DLG1: variants seen among roughly 807,000 people sequenced by gnomAD.
DLG1 encodes the protein discs large MAGUK scaffold protein 1, also known as disks large homolog 1.
In DLG1, 42 loss-of-function variants were observed where a neutral mutation model predicts 123.4. That is an observed-to-expected ratio of 0.34 (90% confidence interval 0.27 to 0.44). The LOEUF (loss-of-function observed/expected upper bound fraction) is 0.44. Among genes scored for constraint, DLG1 ranks in the 20% least tolerant of loss-of-function variants. The probability of loss-of-function intolerance (pLI) is 1.00; values close to 1 mark genes in which losing one functional copy is unlikely to be tolerated. For synonymous variants in DLG1, 317 were observed against 356.2 expected (o/e 0.89, Z 1.24); for missense variants, 942 against 1,082.6 (o/e 0.87, Z 1.82).
intron 16 of DLG1, among the ~76,000 whole-genome samples, chr3:197,082,763 T>G (rs1012782966): frequency 6.6e-6 from 1 of 152,226 alleles, no homozygotes; most frequent in South Asian, 2.1e-4. Flanking sequence ...TAAGATTATA[T>G]TCTGCAATGC....
intron 13 of DLG1, among the ~76,000 whole-genome samples, chr3:197,105,218 T>A (rs1379876226): frequency 6.6e-6 from 1 of 152,228 alleles, no homozygotes; most frequent in Non-Finnish European, 1.5e-5. Context: ...CCACCTTGCT[T>A]AATGTCAAGT....
At chr3:197,232,361 T>TAAAA (rs34360912) in intron 4 of DLG1, among the ~76,000 whole-genome samples, 62 of 121,248 alleles carry the variant, frequency 5.1e-4, no homozygotes, top group Non-Finnish European at 8.9e-4. Flanking sequence ...CCTTGTCTCT[T>TAAAA]AAAAAAAAAA....
rs780261783 is a variant in DLG1 at position 197,149,785 on chromosome 3, G to C, written c.495C>G (p.Pro165=). The C allele has an allele frequency of 6.3e-7, 1 of 1,592,774 alleles. No individual in the cohort carries two copies. Among genetic ancestry groups the C allele is most frequent in the African/African-American group, 1.3e-5 (1 of 74,366 alleles). The change falls in exon 6 of 25, where the codon CCC becomes CCG. Residue 165 remains proline, a synonymous_variant. Coordinates refer to ENST00000667157, the MANE Select transcript of DLG1 (RefSeq NM_001366207.1). ...AGCTATCTGTGTTGACCAGTACTGGGGGAGGATTTGCCTTTAAGAAGAAAT... is the reference window on the plus strand; with the variant it reads ...AGCTATCTGTGTTGACCAGTACTGGCGGAGGATTTGCCTTTAAGAAGAAAT... ...SHISPIKANP[P]PVLVNTDSLE...
chr3:197,045,188 T>C (rs1161113885), intron 24 of DLG1, among the ~76,000 whole-genome samples: 1 of 119,162 alleles, frequency 8.4e-6, no homozygotes, highest in African/African-American at 3.3e-5. Flanking sequence ...TAAGCTAGCA[T>C]GTCAGGTACT....
chr3:197,244,496 C>G (rs904509922), intron 4 of DLG1, among the ~76,000 whole-genome samples: 10 of 152,082 alleles, frequency 6.6e-5, no homozygotes, highest in Non-Finnish European at 1.0e-4. Flanking sequence ...GATCTTTTAC[C>G]TCTACGACGG....
chr3:197,268,901 A>AAC (rs199945426), intron 4 of DLG1, among the ~76,000 whole-genome samples: 1 of 145,572 alleles, frequency 6.9e-6, no homozygotes, highest in Admixed American at 6.8e-5. Flanking sequence ...GTTAAAAACA[A>AAC]ACACACACAC....
At chr3:197,292,835 C>T (rs1775586287) in intron 3 of DLG1, among the ~76,000 whole-genome samples, 1 of 152,184 alleles carries the variant, frequency 6.6e-6, no homozygotes, top group South Asian at 2.1e-4. Flanking sequence ...ACTCAACTTA[C>T]TCAAGTCTCT....
chr3:197,082,143 G>A (rs556264410), intron 16 of DLG1, among the ~76,000 whole-genome samples: 3 of 151,984 alleles, frequency 2.0e-5, no homozygotes, highest in Non-Finnish European at 2.9e-5. Context: ...AGGCCGAGGC[G>A]GGTGGATCAC....
At chr3:197,182,744 AACTG>A (rs1432103719) in intron 5 of DLG1, among the ~76,000 whole-genome samples, 3 of 152,180 alleles carry the variant, frequency 2.0e-5, no homozygotes, top group Admixed American at 2.0e-4. Flanking sequence ...ACTAAAGTTG[AACTG>A]ACTGCTTAAA....
intron 5 of DLG1, among the ~76,000 whole-genome samples, chr3:197,185,120 C>T (rs534425636): frequency 1.3e-5 from 2 of 152,284 alleles, no homozygotes; most frequent in Admixed American, 6.5e-5. Flanking sequence ...AACAAAAACG[C>T]TACTTGATAA....
chr3:197,294,576 T>C (rs1045063188), intron 3 of DLG1, among the ~76,000 whole-genome samples: 2 of 148,774 alleles, frequency 1.3e-5, no homozygotes, highest in Non-Finnish European at 3.0e-5. Context: ...GAGAATGGCG[T>C]GAACCTGGCA....
Position 197,051,481 on chromosome 3 carries a change from T to C in DLG1, c.2575+96A>G, listed in dbSNP as rs1429358990. 6 of 908,088 alleles carry C rather than the reference T, an allele frequency of 6.6e-6. No homozygotes were observed. The East Asian group carries it at 7.4e-5, about 11-fold the overall frequency. The allele number at this position is 908,088 out of a possible 1,614,324, so 56.3% of individuals were successfully genotyped here. A position where few individuals can be genotyped will look rare whatever the true frequency, so the allele number is the denominator to read the frequency against. Reference sequence around the variant, plus strand: ...GATGATACTAGTTACTACGGGTAGATGTAGGCATAGTTCAAAATCCACCTG... The same window carrying C: ...GATGATACTAGTTACTACGGGTAGACGTAGGCATAGTTCAAAATCCACCTG... On this transcript the variant is annotated intron_variant, in intron 24 of 24. Transcript: ENST00000667157.
intron 9 of DLG1, 85 bp from the exon 10 acceptor site, chr3:197,136,763 T>C: frequency 8.7e-7 from 1 of 1,144,168 alleles, no homozygotes; most frequent in Non-Finnish European, 1.2e-6. Context: ...AAGGTAATTA[T>C]TCCCTCACAC....
intron 3 of DLG1, among the ~76,000 whole-genome samples, chr3:197,288,837 A>G (rs942975263): frequency 1.3e-5 from 2 of 152,070 alleles, no homozygotes; most frequent in African/African-American, 4.8e-5. Flanking sequence ...GATAAAAACA[A>G]TATGTATAGT....
chr3:197,168,893 T>C (rs1048794086), intron 5 of DLG1, among the ~76,000 whole-genome samples: 6 of 152,196 alleles, frequency 3.9e-5, no homozygotes, highest in African/African-American at 1.2e-4. Context: ...ACAGAGGCTA[T>C]GATATTAACA....
In DLG1 at chr3:197,254,052, G is replaced by A. The variant is rs560822882; in HGVS notation, c.318+28627C>T. ...ATCTGACAAGCCTAGACTCAGGTGG[G>A]CAAAGGAATGGACCTGATACAGATT... is the stretch of plus-strand genomic sequence containing the variant. On this transcript the variant is annotated intron_variant, in intron 4 of 24. Coordinates refer to ENST00000667157, the MANE Select transcript of DLG1 (RefSeq NM_001366207.1). Among the ~76,000 whole-genome samples, 4 of 152,274 alleles carry A rather than the reference G, an allele frequency of 2.6e-5. No individual in the cohort carries two copies. In the South Asian group the frequency reaches 6.2e-4, roughly 24 times the overall value.
chr3:197,085,400 C>T (rs73084506), intron 16 of DLG1, 180 bp downstream of exon 16: 6,993 of 610,338 alleles, frequency 0.011, 327 homozygotes, highest in African/African-American at 0.11. Flanking sequence ...TGTATGACTT[C>T]GACTACTTTA....
intron 4 of DLG1, among the ~76,000 whole-genome samples, chr3:197,260,072 T>C (rs891724290): frequency 3.3e-5 from 5 of 152,200 alleles, no homozygotes; most frequent in African/African-American, 1.2e-4. Context: ...AACACGCTTT[T>C]GGCTATCTAA....
At chr3:197,278,698 T>C (rs940572616) in intron 4 of DLG1, among the ~76,000 whole-genome samples, 2 of 151,118 alleles carry the variant, frequency 1.3e-5, no homozygotes, top group Admixed American at 6.6e-5. Context: ...GGTCACAAAG[T>C]AACTGACAAA....
Sources: gnomAD v4.1 joint callset for allele counts (sites outside exome capture counted in the v4.1 genomes callset) on GRCh38, gnomAD v4.1.1 for gene constraint, MANE v1.5 for transcripts, NCBI Gene and HGNC (gene_info 2026-07-23, HGNC 2026-07-21) for gene names.